The following TCTN2 variants were observed in gnomAD, a reference collection of about 807,000 sequenced individuals.
The protein encoded by TCTN2 is tectonic family member 2, also known as tectonic-2.
A neutral mutation model predicts 83.4 loss-of-function variants in TCTN2; 66 were observed. That is an observed-to-expected ratio of 0.79 (90% CI 0.65 to 0.97). The LOEUF is 0.97. Among genes scored for constraint, TCTN2 ranks in the 50% least tolerant of loss-of-function variants. The pLI is 0.00. For synonymous variants in TCTN2, 301 were observed against 326.7 expected, an observed-to-expected ratio of 0.92 and a Z score of 0.85; for missense variants, 794 against 858.1, an observed-to-expected ratio of 0.93 and a Z score of 0.93.
chr12:123,677,051 A>G lies in TCTN2; in HGVS notation c.464-2138A>G, dbSNP rs370207959. Among the ~76,000 whole-genome samples, 12 of 151,978 alleles carry G rather than the reference A, an allele frequency of 7.9e-5. No individual in the cohort carries two copies. In the East Asian group the frequency reaches 1.2e-3, roughly 15 times the overall value. The stretch of plus-strand genomic sequence containing the variant: ...ACGTTACCTGAGCATGATGGTGCAC[A>G]CCTGTGGTCCCAGCTACTTGAGAGG... On this transcript the variant is annotated intron_variant, in intron 4 of 17. Transcript: ENST00000303372.
chr12:123,684,670 G>T (rs928317310), intron 5 of TCTN2, among the ~76,000 whole-genome samples: 3 of 152,024 alleles, frequency 2.0e-5, no homozygotes, highest in Non-Finnish European at 4.4e-5. Context: ...AAAGTGCTGG[G>T]ATTATAGGCG....
At chr12:123,693,411 TCCAATTG>T in intron 9 of TCTN2, among the ~76,000 whole-genome samples, 1 of 148,912 alleles carries the variant, frequency 6.7e-6, no homozygotes. Context: ...AATTAAACTT[TCCAATTG>T]TGATGCAGCC....
chr12:123,695,110 G>T (rs1487402178), intron 10 of TCTN2, 110 bp from the exon 11 acceptor site: 12 of 1,425,448 alleles, frequency 8.4e-6, no homozygotes, highest in Non-Finnish European at 1.2e-5. Flanking sequence ...TTTAATTAAC[G>T]AGAGTACACT....
chr12:123,672,014 G>T, intron 2 of TCTN2, 42 bp from the exon 3 acceptor site: 1 of 1,561,754 alleles, frequency 6.4e-7, no homozygotes, highest in Non-Finnish European at 8.8e-7. Flanking sequence ...CCCCTGAGCT[G>T]CTGGACCTTG....
At position 123,671,489 on chromosome 12, in the gene TCTN2, C is replaced by T. The variant is rs1955750056; in HGVS notation, c.83-18C>T. On this transcript the variant is annotated intron_variant, in intron 1 of 17. Coordinates refer to ENST00000303372, the MANE Select transcript of TCTN2 (RefSeq NM_024809.5). ...TTCCACTGCTAACCCCTCCTTGTCC[C>T]CTTTCCTTCCCGCCTAGCTTTCATC... The T allele has an allele frequency of 6.2e-7, 1 of 1,613,018 alleles. No homozygotes were observed. The highest frequency in any genetic ancestry group is 8.5e-7 in the Non-Finnish European group (1 of 1,179,096).
At chr12:123,704,497 T>C in intron 14 of TCTN2, 35 bp from the exon 15 acceptor site, 2 of 1,576,938 alleles carry the variant, frequency 1.3e-6, no homozygotes, top group Non-Finnish European at 1.7e-6. Context: ...TATCAAATTA[T>C]TCTTTGAAAA....
At chr12:123,684,301 A>G (rs1482085123) in intron 5 of TCTN2, among the ~76,000 whole-genome samples, 1 of 151,368 alleles carries the variant, frequency 6.6e-6, no homozygotes, top group African/African-American at 2.4e-5. Flanking sequence ...AGCACTTAAC[A>G]TAAGATCTAC....
intron 15 of TCTN2, among the ~76,000 whole-genome samples, chr12:123,705,759 C>CTTT: frequency 7.1e-6 from 1 of 140,862 alleles, no homozygotes; most frequent in East Asian, 2.1e-4. Flanking sequence ...TTCTTTCTTT[C>CTTT]TTTTTTTTTT....
intron 7 of TCTN2, among the ~76,000 whole-genome samples, chr12:123,688,737 C>T (rs1956006948): frequency 1.3e-5 from 2 of 151,950 alleles, no homozygotes; most frequent in Admixed American, 1.3e-4. Context: ...CTATAAGTTT[C>T]CATGGAAGTA....
intron 6 of TCTN2, among the ~76,000 whole-genome samples, chr12:123,687,559 A>G (rs529286124): frequency 2.4e-4 from 37 of 152,294 alleles, no homozygotes; most frequent in Non-Finnish European, 4.9e-4. Flanking sequence ...AGGGAGGCTG[A>G]GGCAGGAGAA....
At chr12:123,675,965 G>GCGT (rs956464538) in intron 4 of TCTN2, among the ~76,000 whole-genome samples, 2 of 152,098 alleles carry the variant, frequency 1.3e-5, no homozygotes, top group Non-Finnish European at 1.5e-5. Flanking sequence ...ACCATTCAAA[G>GCGT]CACTGACTTT....
intron 1 of TCTN2, 72 bp downstream of exon 1, chr12:123,671,394 G>T (rs1290045827): frequency 6.3e-7 from 1 of 1,597,728 alleles, no homozygotes; most frequent in African/African-American, 1.3e-5. Flanking sequence ...GCCAGACTTG[G>T]ACTCCCCCGG....
chr12:123,676,775 G>A (rs1286306517), intron 4 of TCTN2, among the ~76,000 whole-genome samples: 3 of 152,100 alleles, frequency 2.0e-5, no homozygotes, highest in Non-Finnish European at 4.4e-5. Context: ...CAGACAGGAG[G>A]TATGTGTCAT....
In TCTN2 at chr12:123,704,704, G is replaced by A; in HGVS notation, c.1769+16G>A. Reference sequence around the variant, plus strand: ...TAGAGACAAGGTATGATCACATCTTGGATCACCGTAGTTTAGAGAGAGTCA... The same window carrying A: ...TAGAGACAAGGTATGATCACATCTTAGATCACCGTAGTTTAGAGAGAGTCA... On this transcript the variant is annotated intron_variant, in intron 15 of 17. Transcript: ENST00000303372. 1 of 1,613,246 alleles carries A rather than the reference G, an allele frequency of 6.2e-7. No individual in the cohort carries two copies. Among genetic ancestry groups the A allele is most frequent in the Non-Finnish European group, 8.5e-7 (1 of 1,179,800 alleles).
chr12:123,680,520 CTT>C (rs534432331), intron 5 of TCTN2, among the ~76,000 whole-genome samples: 8 of 138,614 alleles, frequency 5.8e-5, no homozygotes, highest in Non-Finnish European at 7.9e-5. Flanking sequence ...TTTTTTCTTT[CTT>C]TTTTTTTTTT....
chr12:123,687,468 T>C (rs1955986217), intron 6 of TCTN2, among the ~76,000 whole-genome samples: 1 of 151,892 alleles, frequency 6.6e-6, no homozygotes, highest in South Asian at 2.1e-4. Flanking sequence ...CCATCCTGGC[T>C]AACACAGTGA....
intron 8 of TCTN2, among the ~76,000 whole-genome samples, chr12:123,692,097 G>C (rs1593853575): frequency 6.6e-6 from 1 of 152,176 alleles, no homozygotes; most frequent in East Asian, 1.9e-4. Flanking sequence ...GTTTAGTAGA[G>C]ATGGGATTTC....
chr12:123,691,075 G>T (rs1208765034), intron 8 of TCTN2, among the ~76,000 whole-genome samples: 1 of 152,010 alleles, frequency 6.6e-6, no homozygotes, highest in South Asian at 2.1e-4. Flanking sequence ...CACTGTGTTG[G>T]CCAGGTTGAC....
At chr12:123,696,591 A>G in intron 12 of TCTN2, 96 bp downstream of exon 12, 2 of 1,188,842 alleles carry the variant, frequency 1.7e-6, no homozygotes. Flanking sequence ...ATTATTTTAA[A>G]GCCTAGTTGG....
Sources: allele counts gnomAD v4.1 joint callset (sites outside exome capture counted in the v4.1 genomes callset), GRCh38; gene constraint gnomAD v4.1.1; transcripts MANE v1.5; gene names NCBI Gene and HGNC (gene_info 2026-07-23, HGNC 2026-07-21).